The following DNAH17 variants were observed in gnomAD, a reference collection of about 807,000 sequenced individuals.
DNAH17 encodes the protein dynein axonemal heavy chain 17.
DNAH17 carries 376 observed loss-of-function variants against 485.6 expected under a neutral mutation model. That is an observed-to-expected ratio of 0.77 (90% confidence interval 0.71 to 0.84). The LOEUF is 0.84. Ranked by LOEUF, DNAH17 falls within the 40% of genes least tolerant of loss-of-function variation. The probability of loss-of-function intolerance (pLI) is 0.00; values close to 1 mark genes in which losing one functional copy is unlikely to be tolerated. For missense variants in DNAH17, 6,370 were observed against 5,839.3 expected (o/e 1.09, Z -2.96); for synonymous variants, 3,031 against 2,405.9 (o/e 1.26, Z -7.60).
At chr17:78,467,008 G>C (rs1472342634) in intron 55 of DNAH17, among the ~76,000 whole-genome samples, 192 bp from the exon 56 acceptor site, 3 of 152,176 alleles carry the variant, frequency 2.0e-5, no homozygotes, top group Non-Finnish European at 4.4e-5. Flanking sequence ...TGCTCATCTG[G>C]CTTCATGCCT....
intron 25 of DNAH17, among the ~76,000 whole-genome samples, chr17:78,523,020 A>AT (rs902696236): frequency 1.3e-5 from 2 of 151,976 alleles, no homozygotes; most frequent in East Asian, 1.9e-4. Context: ...CGCCCAGCTA[A>AT]TTTTTTGTAT....
rs761296988 is a variant in DNAH17 at position 78,532,746 on chromosome 17, G to A, written c.2860-10C>T. ...TATCTTCCAGGTCCATCTGAAAGGG[G>A]CAGGGGAGAAGCAAAAAGGGGAGGT... is the stretch of plus-strand genomic sequence containing the variant. On this transcript the variant is annotated splice_polypyrimidine_tract_variant and intron_variant, in intron 19 of 80. Transcript: ENST00000389840. The A allele has an allele frequency of 6.3e-7, 1 of 1,581,650 alleles. No individual in the cohort carries two copies. The highest frequency in any genetic ancestry group is 8.6e-7 in the Non-Finnish European group (1 of 1,161,848).
chr17:78,560,208 CTCAG>C (rs887492727), intron 13 of DNAH17, among the ~76,000 whole-genome samples: 2 of 152,176 alleles, frequency 1.3e-5, no homozygotes, highest in South Asian at 2.1e-4. Context: ...GTAGTAGGTG[CTCAG>C]TAAGTATTTG....
chr17:78,548,437 C>T (rs1196990110), intron 16 of DNAH17, among the ~76,000 whole-genome samples: 2 of 152,100 alleles, frequency 1.3e-5, no homozygotes, highest in East Asian at 3.9e-4. Flanking sequence ...ATCTCCTGAC[C>T]TCGTGATCCA....
At position 78,569,251 on chromosome 17, in the gene DNAH17, T is replaced by G; in HGVS notation, c.1199A>C (p.Asp400Ala). ...CCVNMKLFFK[D>A]KEPVPWEFPS... ...GAATTCCCAAGGCACGGGCTCTTTG[T>G]CCTTAGAGGAGAGAAAGAGAGATGA... The change falls in exon 9 of 81, where the codon GAC becomes GCC. Residue 400 changes from aspartate (D) to alanine (A), a missense_variant and splice_region_variant. Coordinates refer to ENST00000389840, the MANE Select transcript of DNAH17 (RefSeq NM_173628.4). 6.2e-7 allele frequency: 1 copy of G among 1,604,802 alleles called. No individual in the cohort carries two copies. Among genetic ancestry groups the G allele is most frequent in the East Asian group, 2.2e-5 (1 of 44,686 alleles).
Position 78,572,864 on chromosome 17 carries a change from T to C in DNAH17, c.376A>G (p.Asn126Asp). The C allele has an allele frequency of 6.2e-7, 1 of 1,613,890 alleles. No individual in the cohort carries two copies. Among genetic ancestry groups the C allele is most frequent in the Non-Finnish European group, 8.5e-7 (1 of 1,179,838 alleles). ...ACCACCTGGGGCCATCCAGCCATGT[T>C]CTCACTTTGGTTTAACAGAGAAGAG... ...VLSSLLNQSENMAGWPQVVSE... is the reference protein window; with the variant it reads ...VLSSLLNQSEDMAGWPQVVSE... The change falls in exon 3 of 81, where the codon AAC becomes GAC. Residue 126 changes from asparagine (N) to aspartate (D), a missense_variant. Physicochemically the swap from Asn to Asp is conservative, Grantham distance 23. Transcript: ENST00000389840.
chr17:78,562,526 A>AT (rs1330582617), intron 11 of DNAH17, among the ~76,000 whole-genome samples: 1 of 151,892 alleles, frequency 6.6e-6, no homozygotes, highest in Non-Finnish European at 1.5e-5. Context: ...GGAGGCTGAG[A>AT]TGGGAGGATT....
intron 14 of DNAH17, among the ~76,000 whole-genome samples, chr17:78,555,175 G>A (rs529361880): frequency 6.6e-6 from 1 of 152,318 alleles, no homozygotes; most frequent in African/African-American, 2.4e-5. Context: ...AAACCAGACA[G>A]AAGTAAAGGA....
chr17:78,567,218 G>A, intron 9 of DNAH17, 52 bp from the exon 10 acceptor site: 2 of 1,547,714 alleles, frequency 1.3e-6, no homozygotes, highest in Non-Finnish European at 8.7e-7. Context: ...CAACTCACGG[G>A]TCCAGTTACA....
At chr17:78,465,496 C>T (rs2088383438) in intron 56 of DNAH17, among the ~76,000 whole-genome samples, 1 of 21,040 alleles carries the variant, frequency 4.8e-5, no homozygotes, top group South Asian at 1.9e-3. Context: ...AACACCTCTT[C>T]CCGGCCGCCA....
intron 41 of DNAH17, among the ~76,000 whole-genome samples, chr17:78,493,514 T>C (rs2089948577): frequency 6.6e-6 from 1 of 152,248 alleles, no homozygotes; most frequent in Admixed American, 6.5e-5. Context: ...ACTGGGTCCA[T>C]GCGGCCTCTG....
chr17:78,571,860 C>A, intron 3 of DNAH17, 78 bp from the exon 4 acceptor site: 1 of 1,393,998 alleles, frequency 7.2e-7, no homozygotes, highest in Admixed American at 2.3e-5. Context: ...ATGAATCCTT[C>A]TGCCCACCAA....
Position 78,515,030 on chromosome 17 carries a change from G to C in DNAH17, c.3865-8C>G, listed in dbSNP as rs748624476. On this transcript the variant is annotated splice_region_variant and splice_polypyrimidine_tract_variant and intron_variant, in intron 25 of 80. Coordinates refer to ENST00000389840, the MANE Select transcript of DNAH17 (RefSeq NM_173628.4). ...CTCGATGCTGGTATTTACCTGAAAC[G>C]AAAACATCCCGTTTCTCCTTCCACT... The C allele has an allele frequency of 1.7e-5, 27 of 1,612,666 alleles. No homozygotes were observed. Among genetic ancestry groups the C allele is most frequent in the Non-Finnish European group, 5.1e-6 (6 of 1,178,804 alleles).
At chr17:78,437,899 C>T (rs1226815340) in intron 73 of DNAH17, 31 bp from the exon 74 acceptor site, 1 of 1,545,338 alleles carries the variant, frequency 6.5e-7, no homozygotes, top group Non-Finnish European at 8.9e-7. Context: ...TGGTTACACA[C>T]TTTGCCCAGC....
chr17:78,548,176 T>C (rs1014534014), intron 16 of DNAH17, among the ~76,000 whole-genome samples: 1 of 151,532 alleles, frequency 6.6e-6, no homozygotes, highest in Non-Finnish European at 1.5e-5. Flanking sequence ...GTTCTCATTC[T>C]GTTGTTATTT....
chr17:78,524,526 G>A (rs1396342506), intron 25 of DNAH17, among the ~76,000 whole-genome samples: 1 of 152,116 alleles, frequency 6.6e-6, no homozygotes, highest in Non-Finnish European at 1.5e-5. Flanking sequence ...AGTGAGAGGG[G>A]ACTGTCTATG....
chr17:78,495,727 T>C (rs1293107428), intron 38 of DNAH17, 148 bp downstream of exon 38: 2 of 959,456 alleles, frequency 2.1e-6, no homozygotes, highest in Non-Finnish European at 3.0e-6. Context: ...AGTGAGTTAC[T>C]GTGCCCGGCC....
chr17:78,519,400 A>C (rs1423865947), intron 25 of DNAH17, among the ~76,000 whole-genome samples: 1 of 152,234 alleles, frequency 6.6e-6, no homozygotes, highest in Non-Finnish European at 1.5e-5. Flanking sequence ...ATAAACTAGA[A>C]AATGAGCAAG....
At position 78,529,483 on chromosome 17, in the gene DNAH17, A is replaced by G. The variant is rs4273108; in HGVS notation, c.3496T>C (p.Leu1166=). The G allele has an allele frequency of 0.61, 982,851 of 1,613,440 alleles. 300,753 individuals carry two copies. Among genetic ancestry groups the G allele is most frequent in the Middle Eastern group, 0.64 (3,888 of 6,062 alleles). The change falls in exon 22 of 81, where the codon TTG becomes CTG. Residue 1166 remains leucine, a synonymous_variant. Transcript: ENST00000389840. Reference sequence around the variant, plus strand: ...CACCCACCACGTACCTGCAGCTTCAAGTGGATCTCCTCTGGCATCTCCTCC... The same window carrying G: ...CACCCACCACGTACCTGCAGCTTCAGGTGGATCTCCTCTGGCATCTCCTCC... The part of the protein sequence containing the change: ...YGEEMPEEIH[L]KLQELPEHWA...
Sources: allele counts gnomAD v4.1 joint callset (sites outside exome capture counted in the v4.1 genomes callset), GRCh38; gene constraint gnomAD v4.1.1; transcripts MANE v1.5; gene names NCBI Gene and HGNC (gene_info 2026-07-23, HGNC 2026-07-21).